AHI1: variants seen among roughly 807,000 people sequenced by gnomAD.
AHI1 encodes Abelson helper integration site 1, also known as jouberin.
Under a neutral mutation model 149.3 loss-of-function variants are expected in AHI1, and 123 were observed. The ratio of observed to expected loss-of-function variants is 0.82; its 90% CI spans 0.71 to 0.96. The LOEUF (loss-of-function observed/expected upper bound fraction) is 0.96. Ranked by LOEUF, AHI1 falls within the 40% of genes least tolerant of loss-of-function variation. The probability of loss-of-function intolerance (pLI) is 0.00; values close to 1 mark genes in which losing one functional copy is unlikely to be tolerated. For missense variants in AHI1, 1,439 were observed against 1,422.7 expected (o/e 1.01, Z -0.18); for synonymous variants, 475 against 459.8 (o/e 1.03, Z -0.42).
At chr6:135,482,437 T>C (rs1793796325) in intron 5 of AHI1, among the ~76,000 whole-genome samples, 1 of 151,474 alleles carries the variant, frequency 6.6e-6, no homozygotes, top group Admixed American at 6.6e-5. Context: ...CCAGCTCTTA[T>C]AAACCTGGAC....
intron 5 of AHI1, among the ~76,000 whole-genome samples, chr6:135,488,111 G>T (rs1389096950): frequency 6.6e-6 from 1 of 151,938 alleles, no homozygotes; most frequent in Non-Finnish European, 1.5e-5. Context: ...TTGTGTTTAG[G>T]TGTCTGCAAT....
intron 5 of AHI1, among the ~76,000 whole-genome samples, chr6:135,468,775 T>A (rs755105952): frequency 2.0e-5 from 3 of 152,076 alleles, no homozygotes; most frequent in Non-Finnish European, 4.4e-5. Flanking sequence ...GCTGGACACA[T>A]ACACCCTCCC....
chr6:135,495,404 C>G (rs980927772), intron 3 of AHI1: 1 of 152,228 alleles, frequency 6.6e-6, no homozygotes, highest in Non-Finnish European at 1.5e-5. Context: ...TCACGTGTGC[C>G]AAGTTCTCTC....
chr6:135,336,395 C>T (rs1348191801), intron 24 of AHI1, among the ~76,000 whole-genome samples: 4 of 151,848 alleles, frequency 2.6e-5, no homozygotes, highest in Non-Finnish European at 5.9e-5. Flanking sequence ...TCCAGGAGTT[C>T]GAGACAAGCC....
intron 20 of AHI1, among the ~76,000 whole-genome samples, chr6:135,423,580 T>G (rs1243165072): frequency 6.6e-6 from 1 of 152,180 alleles, no homozygotes; most frequent in Non-Finnish European, 1.5e-5. Flanking sequence ...TAGAAACTGC[T>G]TTTTGGTTTA....
intron 22 of AHI1, among the ~76,000 whole-genome samples, chr6:135,404,064 G>A (rs1780402081): frequency 6.6e-6 from 1 of 151,370 alleles, no homozygotes; most frequent in Non-Finnish European, 1.5e-5. Flanking sequence ...ATTATATGAA[G>A]CAGTCTCTAA....
chr6:135,296,440 C>CT (rs1783103413), intron 27 of AHI1, among the ~76,000 whole-genome samples: 2 of 152,170 alleles, frequency 1.3e-5, no homozygotes, highest in South Asian at 4.1e-4. Context: ...AGCCAGAAGT[C>CT]TTATAATAGT....
intron 17 of AHI1, among the ~76,000 whole-genome samples, 158 bp from the exon 18 acceptor site, chr6:135,430,158 C>T (rs1034337266): frequency 2.0e-5 from 3 of 151,858 alleles, no homozygotes; most frequent in Non-Finnish European, 4.4e-5. Flanking sequence ...CAGTTTAGGG[C>T]TGAAAATAAA....
At chr6:135,390,616 G>A in intron 23 of AHI1, among the ~76,000 whole-genome samples, 1 of 151,934 alleles carries the variant, frequency 6.6e-6, no homozygotes, top group Admixed American at 6.5e-5. Context: ...AGTTTGGTAT[G>A]GTGAGGATAA....
At chr6:135,304,663 C>G (rs56124544) in intron 26 of AHI1, among the ~76,000 whole-genome samples, 4,703 of 151,974 alleles carry the variant, frequency 0.031, 264 homozygotes, top group African/African-American at 0.11. Context: ...CCCAGTTACT[C>G]GGGAGGCTGA....
chr6:135,432,233 C>T (rs545244005), intron 16 of AHI1, among the ~76,000 whole-genome samples: 11 of 152,184 alleles, frequency 7.2e-5, no homozygotes, highest in South Asian at 2.1e-4. Flanking sequence ...TTAATTATAG[C>T]GCTAGCCTAC....
chr6:135,480,664 C>T (rs1793476671), intron 5 of AHI1, among the ~76,000 whole-genome samples: 1 of 152,156 alleles, frequency 6.6e-6, no homozygotes, highest in African/African-American at 2.4e-5. Context: ...GTGGATTAAT[C>T]CATCAATGGG....
rs1562239891 is a variant in AHI1, at chr6:135,466,067, C to T, written c.496G>A (p.Asp166Asn). ...KTHTKPQPGV[D>N]HQKSEKANEG... ...TTTGCCTTCTCACTTTTCTGATGAT[C>T]AACGCCTGGCTGTGGCTTTGTATGT... The change falls in exon 7 of 29, where the codon GAT becomes AAT. Residue 166 changes from aspartate (D) to asparagine (N), a missense_variant. Transcript: ENST00000265602. The T allele has an allele frequency of 6.2e-7, 1 of 1,613,892 alleles. No homozygotes were observed. Among genetic ancestry groups the T allele is most frequent in the South Asian group, 1.1e-5 (1 of 91,054 alleles).
intron 14 of AHI1, among the ~76,000 whole-genome samples, chr6:135,442,138 T>C (rs549438231): frequency 5.3e-5 from 8 of 152,220 alleles, no homozygotes; most frequent in Admixed American, 2.6e-4. Context: ...CTGACTTCTC[T>C]ATCATAATGA....
chr6:135,350,664 T>C (rs1394999776), intron 24 of AHI1, among the ~76,000 whole-genome samples: 2 of 152,190 alleles, frequency 1.3e-5, no homozygotes, highest in Non-Finnish European at 2.9e-5. Flanking sequence ...GGAAGGTCTT[T>C]TGAAAAGTTA....
chr6:135,380,046 CTCTT>C (rs1299552090), intron 23 of AHI1, among the ~76,000 whole-genome samples: 1 of 146,974 alleles, frequency 6.8e-6, no homozygotes, highest in East Asian at 2.0e-4. Flanking sequence ...CTCCCTCCCT[CTCTT>C]TCTTCTTCTT....
At chr6:135,293,774 T>C (rs973308425) in intron 27 of AHI1, among the ~76,000 whole-genome samples, 2 of 152,258 alleles carry the variant, frequency 1.3e-5, no homozygotes, top group African/African-American at 4.8e-5. Context: ...ATGACTCAGA[T>C]GATTGAATAT....
chr6:135,378,857 T>C (rs974956828), intron 23 of AHI1, among the ~76,000 whole-genome samples: 3 of 151,558 alleles, frequency 2.0e-5, no homozygotes, highest in Admixed American at 6.6e-5. Context: ...TGTTTCCTCC[T>C]TTTTTTCCTT....
Position 135,385,933 on chromosome 6 carries a change from C to T in AHI1, c.3109+8843G>A, listed in dbSNP as rs187769695. ...CATAAGTCTGAGGCTTTAATATATT[C>T]ACAACATTTTTACCATTTTTATGAT... On this transcript the variant is annotated intron_variant, in intron 23 of 28. Transcript: ENST00000265602. Among the ~76,000 whole-genome samples the T allele has an allele frequency of 1.4e-3, 220 of 152,292 alleles. 1 individual carries two copies. The highest frequency in any genetic ancestry group is 2.6e-3 in the Non-Finnish European group (177 of 68,032).
Sources: gnomAD v4.1 joint callset for allele counts (sites outside exome capture counted in the v4.1 genomes callset) on GRCh38, gnomAD v4.1.1 for gene constraint, MANE v1.5 for transcripts, NCBI Gene and HGNC (gene_info 2026-07-23, HGNC 2026-07-21) for gene names.